WDR5: variants seen among roughly 807,000 people sequenced by gnomAD.
WDR5 encodes the protein WD repeat domain 5.
For synonymous variants in WDR5, 144 were observed against 161.6 expected (o/e 0.89, Z 0.83); for missense variants, 187 against 416.9 (o/e 0.45, Z 4.80).
intron 7 of WDR5, among the ~76,000 whole-genome samples, chr9:134,146,992 C>T (rs999161092): frequency 1.3e-5 from 2 of 152,234 alleles, no homozygotes; most frequent in African/African-American, 4.8e-5. Flanking sequence ...AGCATAGAGG[C>T]TGCCAGCCGC....
intron 7 of WDR5, among the ~76,000 whole-genome samples, chr9:134,146,526 G>A (rs908278968): frequency 2.0e-5 from 3 of 152,164 alleles, no homozygotes; most frequent in East Asian, 1.9e-4. Context: ...GTAAGCCACC[G>A]CGCCCGGCCT....
intron 9 of WDR5, among the ~76,000 whole-genome samples, chr9:134,152,619 G>C (rs1832552039): frequency 6.6e-6 from 1 of 152,238 alleles, no homozygotes; most frequent in Admixed American, 6.5e-5. Flanking sequence ...GAGTGTTCGT[G>C]TTTAAGAAGC....
intron 11 of WDR5, 68 bp from the exon 12 acceptor site, chr9:134,155,625 G>T: frequency 6.5e-7 from 1 of 1,528,588 alleles, no homozygotes; most frequent in Non-Finnish European, 9.0e-7. Context: ...GCCTTGCTTA[G>T]AACGTAGAAT....
chr9:134,153,892 C>G (rs1428193249), intron 9 of WDR5, among the ~76,000 whole-genome samples: 1 of 152,192 alleles, frequency 6.6e-6, no homozygotes, highest in African/African-American at 2.4e-5. Flanking sequence ...AAAACTCTGA[C>G]CTGTACATCG....
intron 12 of WDR5, 111 bp downstream of exon 12, chr9:134,155,878 A>G: frequency 9.9e-7 from 1 of 1,005,992 alleles, no homozygotes. Flanking sequence ...TGCCCACAAA[A>G]TGAATTTCCA....
chr9:134,152,236 A>G (rs1160326990), intron 9 of WDR5, among the ~76,000 whole-genome samples: 2 of 152,188 alleles, frequency 1.3e-5, no homozygotes, highest in African/African-American at 4.8e-5. Context: ...TTTTCCTGCC[A>G]TGGCCTTTCT....
At chr9:134,149,974 C>T (rs1404645394) in intron 8 of WDR5, among the ~76,000 whole-genome samples, 1 of 152,152 alleles carries the variant, frequency 6.6e-6, no homozygotes, top group African/African-American at 2.4e-5. Context: ...GATTGAAGGC[C>T]TGAAAAGAAC....
intron 8 of WDR5, among the ~76,000 whole-genome samples, chr9:134,148,645 C>T (rs531531634): frequency 1.2e-4 from 19 of 152,098 alleles, no homozygotes; most frequent in African/African-American, 3.1e-4. Context: ...TTCACACGCT[C>T]GTGGAAAATG....
In WDR5 at chr9:134,152,544, G is replaced by A. The variant is rs550692764; in HGVS notation, c.631+515G>A. Among the ~76,000 whole-genome samples the A allele has an allele frequency of 1.7e-4, 26 of 152,336 alleles. No homozygotes were observed. The South Asian group carries it at 3.5e-3, about 21-fold the overall frequency. On this transcript the variant is annotated intron_variant, in intron 9 of 13. Transcript: ENST00000358625. ...AGGGTGTGGCCTGAGGGTCTGTGACGGCCCGGGGTTCCCAGCTGCCCCTTG... is the reference window on the plus strand; with the variant it reads ...AGGGTGTGGCCTGAGGGTCTGTGACAGCCCGGGGTTCCCAGCTGCCCCTTG...
chr9:134,158,098 G>A lies in WDR5; in HGVS notation c.*105G>A. ...CCCCAGATCTGCGCCTGGGGGTCAG[G>A]ACAGGGCCTGATTTGAGCCTCCTCT... On this transcript the variant is annotated 3_prime_UTR_variant, in exon 14 of 14. Transcript: ENST00000358625. The A allele has an allele frequency of 2.0e-6, 2 of 982,630 alleles. No homozygotes were observed. The highest frequency in any genetic ancestry group is 3.2e-6 in the Non-Finnish European group (2 of 633,796). 60.9% of individuals were successfully genotyped at this position (982,630 alleles called of 1,614,324 possible). A position where few individuals can be genotyped will look rare whatever the true frequency, so the allele number is the denominator to read the frequency against.
intron 8 of WDR5, among the ~76,000 whole-genome samples, chr9:134,149,984 C>G (rs1832412558): frequency 1.3e-5 from 2 of 152,202 alleles, no homozygotes; most frequent in Non-Finnish European, 2.9e-5. Context: ...CTGAAAAGAA[C>G]ATGTCCCCTG....
chr9:134,155,560 T>C, intron 11 of WDR5, 133 bp from the exon 12 acceptor site: 2 of 1,245,648 alleles, frequency 1.6e-6, no homozygotes, highest in Non-Finnish European at 2.3e-6. Flanking sequence ...AAATCTTCGA[T>C]TGTGTGGGTT....
At chr9:134,137,754 T>A (rs1588166332) in intron 1 of WDR5, among the ~76,000 whole-genome samples, 1 of 151,452 alleles carries the variant, frequency 6.6e-6, no homozygotes, top group African/African-American at 2.4e-5. Flanking sequence ...GTCAAGAAAT[T>A]GCATTCCCCG....
chr9:134,150,412 A>G (rs1248738724), intron 8 of WDR5, among the ~76,000 whole-genome samples: 2 of 152,202 alleles, frequency 1.3e-5, no homozygotes, highest in Non-Finnish European at 2.9e-5. Flanking sequence ...ACCCTTCAGC[A>G]AGATAGAGCA....
chr9:134,145,096 G>GTTTTTTGTTTTTTTTTTTTTTTTT (rs1316019740), intron 7 of WDR5, among the ~76,000 whole-genome samples: 6 of 104,718 alleles, frequency 5.7e-5, no homozygotes, highest in South Asian at 3.5e-4. Context: ...GTGGGGCTTT[G>GTTTTTTGTTTTTTTTTTTTTTTTT]TTTTTTTTTT....
intron 7 of WDR5, among the ~76,000 whole-genome samples, chr9:134,143,710 G>A (rs1039907800): frequency 4.9e-4 from 75 of 151,962 alleles, no homozygotes; most frequent in East Asian, 1.8e-3. Flanking sequence ...TGTATTTTTA[G>A]TAGAGACGGG....
Position 134,138,100 on chromosome 9 carries a change from TTTTTTGAGCCCA to T in WDR5, c.-58-1719_-58-1708del, listed in dbSNP as rs1831672645. 3.9e-5 allele frequency among the ~76,000 whole-genome samples: 6 copies of T among 152,308 alleles called. No homozygotes were observed. The South Asian group carries it at 1.2e-3, about 32-fold the overall frequency. On this transcript the variant is annotated intron_variant, in intron 1 of 13. Coordinates refer to ENST00000358625, the MANE Select transcript of WDR5 (RefSeq NM_017588.3). ...TGTTTGTTTCTTTTACATGTTCATG[TTTTTTGAGCCCA>T]AAGGTTGGGGCAGGTTGGGCTTGAG...
At chr9:134,137,533 G>A (rs562495583) in intron 1 of WDR5, among the ~76,000 whole-genome samples, 1 of 152,034 alleles carries the variant, frequency 6.6e-6, no homozygotes, top group East Asian at 1.9e-4. Flanking sequence ...AAATACAAAA[G>A]ATTGGCCGGG....
intron 1 of WDR5, among the ~76,000 whole-genome samples, chr9:134,137,146 A>G (rs1321775665): frequency 1.3e-5 from 2 of 152,160 alleles, no homozygotes; most frequent in Non-Finnish European, 2.9e-5. Context: ...GGACTCAGGA[A>G]TCGGCCTGTG....
Sources: allele counts gnomAD v4.1 joint callset (sites outside exome capture counted in the v4.1 genomes callset), GRCh38; gene constraint gnomAD v4.1.1; transcripts MANE v1.5; gene names NCBI Gene and HGNC (gene_info 2026-07-23, HGNC 2026-07-21).